Variants in TEX14 observed in about 807,000 individuals in gnomAD.
The protein encoded by TEX14 is testis expressed 14, intercellular bridge forming factor, also known as inactive serine/threonine-protein kinase TEX14.
In TEX14, 168 loss-of-function variants were observed where a neutral mutation model predicts 178.6. The ratio of observed to expected loss-of-function variants is 0.94; its 90% CI spans 0.83 to 1.07. The LOEUF is 1.07. Ranked by LOEUF, TEX14 falls within the 50% of genes least tolerant of loss-of-function variation. The pLI, the probability that TEX14 is intolerant of heterozygous loss-of-function variation, is 0.00. For synonymous variants in TEX14, 626 were observed against 634.1 expected (o/e 0.99, Z 0.19); for missense variants, 1,730 against 1,753.6 (o/e 0.99, Z 0.24).
chr17:58,680,215 T>C (rs1161275769), intron 1 of TEX14, among the ~76,000 whole-genome samples: 1 of 152,122 alleles, frequency 6.6e-6, no homozygotes, highest in East Asian at 1.9e-4. Context: ...CGCGCACGGC[T>C]TTCTTGCGCA....
intron 5 of TEX14, among the ~76,000 whole-genome samples, chr17:58,618,037 C>T (rs189280817): frequency 6.6e-5 from 10 of 152,294 alleles, no homozygotes; most frequent in Admixed American, 3.9e-4. Context: ...GCCACGTAAG[C>T]GAGCCATCTT....
intron 19 of TEX14, among the ~76,000 whole-genome samples, chr17:58,583,115 T>C (rs2044864532): frequency 6.6e-6 from 1 of 151,560 alleles, no homozygotes. Flanking sequence ...AGACTACAGG[T>C]GCACACTATC....
chr17:58,645,904 C>T lies in TEX14; in HGVS notation c.136+5962G>A, dbSNP rs140964746. 5.1e-4 allele frequency among the ~76,000 whole-genome samples: 77 copies of T among 152,230 alleles called. 1 individual carries two copies. Among genetic ancestry groups the T allele is most frequent in the Non-Finnish European group, 8.8e-4 (60 of 68,010 alleles). On this transcript the variant is annotated intron_variant, in intron 2 of 31. Transcript: ENST00000349033. ...CATATAATCTATCTATGTATCTATC[C>T]ACCTACCTACCCATCTAATCTTCCT...
chr17:58,634,205 G>C (rs2046383993), intron 2 of TEX14, among the ~76,000 whole-genome samples: 1 of 151,934 alleles, frequency 6.6e-6, no homozygotes, highest in African/African-American at 2.4e-5. Flanking sequence ...TTGAGGCCAA[G>C]AGTTCAAGAC....
intron 2 of TEX14, among the ~76,000 whole-genome samples, chr17:58,630,844 G>A (rs1453606284): frequency 6.6e-6 from 1 of 152,230 alleles, no homozygotes; most frequent in East Asian, 1.9e-4. Flanking sequence ...CATGGGAAAG[G>A]ATGAGGGAGG....
intron 1 of TEX14, among the ~76,000 whole-genome samples, chr17:58,678,818 T>TATTATAATAATA (rs1555586387): frequency 4.4e-5 from 6 of 137,324 alleles, no homozygotes; most frequent in Non-Finnish European, 6.2e-5. Flanking sequence ...GAACTTAAAG[T>TATTATAATAATA]ATAATAATAA....
intron 15 of TEX14, among the ~76,000 whole-genome samples, chr17:58,588,451 G>A (rs1428933593): frequency 6.6e-5 from 10 of 152,134 alleles, no homozygotes; most frequent in African/African-American, 2.2e-4. Flanking sequence ...ACGCCACCAT[G>A]CCCGGCTAGT....
chr17:58,574,424 TCCCAG>T (rs1488096402), intron 21 of TEX14, among the ~76,000 whole-genome samples, 175 bp from the exon 22 acceptor site: 1 of 152,046 alleles, frequency 6.6e-6, no homozygotes, highest in Non-Finnish European at 1.5e-5. Context: ...ACGTCTGTAA[TCCCAG>T]CACTTTGGGA....
intron 2 of TEX14, among the ~76,000 whole-genome samples, chr17:58,641,731 T>C (rs2144612463): frequency 6.6e-6 from 1 of 152,240 alleles, no homozygotes; most frequent in South Asian, 2.1e-4. Context: ...GGTCTCTATC[T>C]CCTGACCTTG....
At chr17:58,675,864 T>G (rs1445792389) in intron 1 of TEX14, among the ~76,000 whole-genome samples, 1 of 152,222 alleles carries the variant, frequency 6.6e-6, no homozygotes, top group African/African-American at 2.4e-5. Context: ...GTACGGTGAT[T>G]ACAAGCACGA....
intron 3 of TEX14, among the ~76,000 whole-genome samples, chr17:58,624,714 CT>C (rs2046094500): frequency 2.0e-5 from 3 of 152,106 alleles, no homozygotes; most frequent in Admixed American, 6.6e-5. Context: ...GCTTCTTGGC[CT>C]TTTGGCTAAG....
At position 58,573,252 on chromosome 17, in the gene TEX14, A is replaced by G. The variant is rs781458449; in HGVS notation, c.3440T>C (p.Phe1147Ser). 6.2e-7 allele frequency: 1 copy of G among 1,614,116 alleles called. No homozygotes were observed. The highest frequency in any genetic ancestry group is 1.1e-5 in the South Asian group (1 of 91,082). The change falls in exon 23 of 32, where the codon TTT becomes TCT. Residue 1147 changes from phenylalanine to serine, a missense_variant. Phe to Ser is a radical substitution (Grantham distance 155). Around this residue, in one of 2 missense-constraint regions of TEX14, gnomAD observed 941 missense variants for 1,072.4 expected, o/e 0.88. Transcript: ENST00000349033. ...SSISYEPDSS[F>S]KEASCKTPKI... Reference sequence around the variant, plus strand: ...GGGTGTTTTGCATGAAGCTTCCTTAAAAGAGCTGTCTGGTTCATAGGAGAT... The same window carrying G: ...GGGTGTTTTGCATGAAGCTTCCTTAGAAGAGCTGTCTGGTTCATAGGAGAT...
In TEX14 at chr17:58,601,938, T is replaced by C; in HGVS notation, c.1546A>G (p.Arg516Gly). The change falls in exon 13 of 32, where the codon AGA (arginine) becomes GGA (glycine). Residue 516 changes from arginine (R) to glycine (G), a missense_variant. Physicochemically the swap from Arg to Gly is moderately radical, Grantham distance 125 (BLOSUM62 -2). Transcript: ENST00000349033. ...NDLKDFTGAQ[R>G]TQPTESPRVQ... is the part of the protein sequence containing the mutation. ...CTGGGGCTCTCGGTTGGTTGAGTTC[T>C]CTGGGCTCCAGTAAAATCCTGTAAC... 6.2e-7 allele frequency: 1 copy of C among 1,613,190 alleles called. No homozygotes were observed. Among genetic ancestry groups the C allele is most frequent in the African/African-American group, 1.3e-5 (1 of 74,980 alleles).
chr17:58,679,372 C>G (rs769151130), intron 1 of TEX14, among the ~76,000 whole-genome samples: 1 of 152,078 alleles, frequency 6.6e-6, no homozygotes, highest in South Asian at 2.1e-4. Context: ...CAACACCAAC[C>G]ACGAGGGGTG....
intron 1 of TEX14, chr17:58,661,190 T>G: frequency 1.2e-6 from 1 of 800,442 alleles, no homozygotes; most frequent in Non-Finnish European, 2.3e-6. Context: ...ACCGTGATTT[T>G]CAGCTGAGTT....
At chr17:58,609,297 G>C (rs1191016120) in intron 10 of TEX14, among the ~76,000 whole-genome samples, 1 of 152,174 alleles carries the variant, frequency 6.6e-6, no homozygotes, top group East Asian at 1.9e-4. Flanking sequence ...TTTTAGTAGA[G>C]ACGGGGTTTC....
intron 8 of TEX14, 124 bp from the exon 9 acceptor site, chr17:58,613,668 C>CTT: frequency 3.6e-5 from 36 of 986,362 alleles, no homozygotes; most frequent in Non-Finnish European, 3.8e-5. Flanking sequence ...CTTTTCTTTT[C>CTT]TTTTTTTTTT....
intron 2 of TEX14, among the ~76,000 whole-genome samples, chr17:58,637,082 T>C: frequency 6.6e-6 from 1 of 150,778 alleles, no homozygotes; most frequent in East Asian, 2.0e-4. Context: ...CGAAAATTAG[T>C]TGGGCATGAT....
intron 13 of TEX14, among the ~76,000 whole-genome samples, chr17:58,600,022 G>A (rs2144473294): frequency 6.6e-6 from 1 of 152,208 alleles, no homozygotes; most frequent in African/African-American, 2.4e-5. Context: ...TTATAGAGAT[G>A]GGGTCTTGCT....
Sources: gnomAD v4.1 joint callset for allele counts (sites outside exome capture counted in the v4.1 genomes callset) on GRCh38, gnomAD v4.1.1 for gene constraint, gnomAD v4.1.1 regional missense constraint, MANE v1.5 for transcripts, NCBI Gene and HGNC (gene_info 2026-07-23, HGNC 2026-07-21) for gene names.